Variants in CSMD3 observed in about 807,000 individuals in gnomAD.
CSMD3 encodes CUB and Sushi multiple domains 3.
Under a neutral mutation model 435.2 loss-of-function variants are expected in CSMD3, and 177 were observed. The observed-to-expected ratio is 0.41, with a 90% CI of 0.36 to 0.46. The LOEUF (loss-of-function observed/expected upper bound fraction) is 0.46. CSMD3 is among the 20% of genes least tolerant of loss of function. The pLI is 0.34. For missense variants in CSMD3, 4,265 were observed against 4,504.6 expected (o/e 0.95, Z 1.52); for synonymous variants, 1,656 against 1,520.5 (o/e 1.09, Z -2.07).
intron 11 of CSMD3, among the ~76,000 whole-genome samples, chr8:112,846,917 G>A (rs988872259): frequency 2.0e-5 from 3 of 151,990 alleles, no homozygotes. Flanking sequence ...AAAGATCAGC[G>A]CCTTTAAAAT....
chr8:113,208,232 G>T (rs1395111583), intron 3 of CSMD3, among the ~76,000 whole-genome samples: 1 of 152,118 alleles, frequency 6.6e-6, no homozygotes, highest in Non-Finnish European at 1.5e-5. Flanking sequence ...TTTATTACAT[G>T]GTGTAGTGTA....
At chr8:112,968,938 T>C (rs1242672083) in intron 7 of CSMD3, among the ~76,000 whole-genome samples, 1 of 152,024 alleles carries the variant, frequency 6.6e-6, no homozygotes, top group Non-Finnish European at 1.5e-5. Flanking sequence ...ATTCATACTT[T>C]ATAAAAGTCT....
intron 31 of CSMD3, among the ~76,000 whole-genome samples, chr8:112,477,534 A>G (rs1431381476): frequency 6.6e-6 from 1 of 152,098 alleles, no homozygotes; most frequent in African/African-American, 2.4e-5. Context: ...TCCCTCATGA[A>G]TGTCTTGGTG....
chr8:112,537,511 G>A (rs193044112), intron 27 of CSMD3, among the ~76,000 whole-genome samples: 1 of 151,856 alleles, frequency 6.6e-6, no homozygotes, highest in Non-Finnish European at 1.5e-5. Flanking sequence ...AGAAAAGAGA[G>A]AAGCCTCAGG....
At chr8:112,574,028 A>T (rs1033398278) in intron 23 of CSMD3, among the ~76,000 whole-genome samples, 1 of 152,004 alleles carries the variant, frequency 6.6e-6, no homozygotes, top group Non-Finnish European at 1.5e-5. Flanking sequence ...CTTTCTCAAG[A>T]TCAAACATTT....
intron 2 of CSMD3, among the ~76,000 whole-genome samples, chr8:113,280,728 T>A (rs2093607481): frequency 6.6e-6 from 1 of 152,020 alleles, no homozygotes; most frequent in South Asian, 2.1e-4. Context: ...TTTCTCTAGT[T>A]CCTTGAGGTG....
intron 9 of CSMD3, among the ~76,000 whole-genome samples, chr8:112,922,421 TATAGC>T (rs2082772310): frequency 3.9e-5 from 6 of 152,026 alleles, no homozygotes; most frequent in Non-Finnish European, 8.8e-5. Flanking sequence ...TATTATTGAC[TATAGC>T]TATCTTGTTA....
At chr8:113,381,032 T>C (rs1305935229) in intron 1 of CSMD3, among the ~76,000 whole-genome samples, 1 of 152,170 alleles carries the variant, frequency 6.6e-6, no homozygotes, top group Non-Finnish European at 1.5e-5. Context: ...CCAAATCCCG[T>C]CTCCATATAT....
At chr8:112,705,557 A>G (rs2131894316) in intron 13 of CSMD3, among the ~76,000 whole-genome samples, 1 of 152,170 alleles carries the variant, frequency 6.6e-6, no homozygotes, top group East Asian at 1.9e-4. Context: ...TTAATCTGAC[A>G]TGAGATATCA....
rs145951351 is a variant in CSMD3, at chr8:112,896,916, A to G, written c.1633+24711T>C. ...GCCTCATCTGTCTCTTCTTGCCTCT[A>G]CAGGCTATTCCAAAGAAATTATTTA... On this transcript the variant is annotated intron_variant, in intron 10 of 70. Transcript: ENST00000297405. Among the ~76,000 whole-genome samples, 9 of 151,482 alleles carry G rather than the reference A, an allele frequency of 5.9e-5. No homozygotes were observed. In the East Asian group the frequency reaches 1.8e-3, roughly 30 times the overall value.
chr8:112,893,110 C>T (rs760697310), intron 10 of CSMD3, among the ~76,000 whole-genome samples: 8 of 151,224 alleles, frequency 5.3e-5, no homozygotes, highest in Admixed American at 1.3e-4. Context: ...ACTACTACTA[C>T]TACTACAACT....
intron 1 of CSMD3, among the ~76,000 whole-genome samples, chr8:113,412,800 T>C (rs1306132351): frequency 6.9e-6 from 1 of 145,562 alleles, no homozygotes; most frequent in Non-Finnish European, 1.5e-5. Context: ...TAGAAGACAA[T>C]GTTACAGGTA....
At chr8:112,261,068 C>A (rs1816346096) in intron 61 of CSMD3, among the ~76,000 whole-genome samples, 1 of 152,048 alleles carries the variant, frequency 6.6e-6, no homozygotes, top group Admixed American at 6.6e-5. Flanking sequence ...CTCTCATGCT[C>A]AATCTAACTT....
chr8:112,857,385 T>C (rs2080691539), intron 11 of CSMD3, among the ~76,000 whole-genome samples: 1 of 151,770 alleles, frequency 6.6e-6, no homozygotes, highest in Admixed American at 6.6e-5. Context: ...AAACTTCAGG[T>C]AATTCTGTAA....
chr8:112,331,544 G>A (rs190473155), intron 45 of CSMD3, among the ~76,000 whole-genome samples: 1 of 127,876 alleles, frequency 7.8e-6, no homozygotes, highest in East Asian at 2.4e-4. Context: ...AAGGAAGTTA[G>A]GTTAGAGAAA....
chr8:113,377,144 G>C, intron 1 of CSMD3: 1 of 1,256,096 alleles, frequency 8.0e-7, no homozygotes, highest in South Asian at 1.5e-5. Context: ...CCAAAGGGCC[G>C]AGGGGTGTAC....
rs1235334726 is a variant in CSMD3 at position 112,390,673 on chromosome 8, A to G, written c.5925T>C (p.Ala1975=). 2.5e-6 allele frequency: 4 copies of G among 1,613,312 alleles called. No homozygotes were observed. Among genetic ancestry groups the G allele is most frequent in the Non-Finnish European group, 1.7e-6 (2 of 1,179,248 alleles). Residue 1975 remains alanine, a synonymous_variant, in exon 36 of 71, where the codon GCT becomes GCC. Transcript: ENST00000297405. ...CVWKITVPEG[A]GIQVQVVSFA... ...ACTTAAATATTCTTACTTGAATGCC[A>G]GCTCCCTCTGGCACTGTGATCTTCC...
At chr8:112,433,086 A>C (rs540669116) in intron 32 of CSMD3, among the ~76,000 whole-genome samples, 2 of 152,262 alleles carry the variant, frequency 1.3e-5, no homozygotes, top group African/African-American at 4.8e-5. Context: ...TGTGACTTCA[A>C]TTAAATTATA....
intron 31 of CSMD3, among the ~76,000 whole-genome samples, chr8:112,488,332 A>G (rs974404936): frequency 6.6e-6 from 1 of 152,194 alleles, no homozygotes; most frequent in African/African-American, 2.4e-5. Flanking sequence ...GCTAAACACG[A>G]TATTATAGCC....
Sources: gnomAD v4.1 joint callset for allele counts (sites outside exome capture counted in the v4.1 genomes callset) on GRCh38, gnomAD v4.1.1 for gene constraint, MANE v1.5 for transcripts, NCBI Gene and HGNC (gene_info 2026-07-23, HGNC 2026-07-21) for gene names.